The following BTD variants were observed in gnomAD, a reference collection of about 807,000 sequenced individuals.
The protein encoded by BTD is biotinidase, also known as biocytinase.
Under a neutral mutation model 17.7 loss-of-function variants are expected in BTD, and 13 were observed. The observed-to-expected ratio is 0.74, with a 90% CI of 0.48 to 1.17. The LOEUF (loss-of-function observed/expected upper bound fraction) is 1.17, where lower values mean the gene tolerates loss of function less well. BTD is among the 50% of genes most tolerant of loss of function. The pLI is 0.00. For missense variants in BTD, 674 were observed against 650.4 expected (o/e 1.04, Z -0.39); for synonymous variants, 240 against 245.2 (o/e 0.98, Z 0.20).
downstream of BTD, among the ~76,000 whole-genome samples, chr3:15,716,383 T>C (rs1012432498): frequency 2.7e-5 from 4 of 150,914 alleles, no homozygotes; most frequent in Non-Finnish European, 4.4e-5. Context: ...CCTTGAACTC[T>C]AGGGTTCAAG....
intron 3 of BTD, among the ~76,000 whole-genome samples, chr3:15,705,581 CT>C (rs1178151158): frequency 1.3e-5 from 2 of 152,174 alleles, no homozygotes; most frequent in African/African-American, 4.8e-5. Flanking sequence ...GGATAAGCTA[CT>C]TATCCAAGTT....
rs1329252927 is a variant in BTD, at chr3:15,650,909, A to G, written c.*5421A>G. On this transcript the variant is annotated 3_prime_UTR_variant, in exon 4 of 4. Transcript: ENST00000643237. ...CTCAGCCTTCCGAGTAGCTGGGACTACAGGCACGTGCCACCACGCCCAGCT... is the reference window on the plus strand; with the variant it reads ...CTCAGCCTTCCGAGTAGCTGGGACTGCAGGCACGTGCCACCACGCCCAGCT... Among the ~76,000 whole-genome samples the G allele has an allele frequency of 6.6e-6, 1 of 152,072 alleles. No individual in the cohort carries two copies. Among genetic ancestry groups the G allele is most frequent in the Non-Finnish European group, 1.5e-5 (1 of 67,990 alleles).
At chr3:15,674,183 A>G (rs1383707736) in intron 3 of BTD, among the ~76,000 whole-genome samples, 1 of 147,976 alleles carries the variant, frequency 6.8e-6, no homozygotes, top group African/African-American at 2.5e-5. Context: ...TCAAAAAAAA[A>G]AAAAAAAAAA....
downstream of BTD, among the ~76,000 whole-genome samples, chr3:15,654,014 G>A (rs182848245): frequency 3.9e-5 from 6 of 152,286 alleles, no homozygotes; most frequent in Middle Eastern, 6.8e-3. Context: ...GAGCCACTGC[G>A]CCCGGCCAAG....
chr3:15,686,325 TA>T, intron 3 of BTD: 1 of 1,528,684 alleles, frequency 6.5e-7, no homozygotes, highest in Non-Finnish European at 8.9e-7. Flanking sequence ...AAGTGAAATT[TA>T]AACATTTCAG....
At chr3:15,621,975 T>G (rs1157051521) in intron 1 of BTD, among the ~76,000 whole-genome samples, 1 of 152,228 alleles carries the variant, frequency 6.6e-6, no homozygotes, top group East Asian at 1.9e-4. Context: ...TTTATTATTC[T>G]TTCGGTGTCC....
chr3:15,685,530 C>A, intron 3 of BTD: 1 of 1,131,920 alleles, frequency 8.8e-7, no homozygotes, highest in South Asian at 1.3e-5. Context: ...CTTTAAAGAC[C>A]ATACTCTCCA....
intron 3 of BTD, among the ~76,000 whole-genome samples, chr3:15,643,046 A>AAAT (rs766395619): frequency 1.5e-5 from 1 of 66,200 alleles, no homozygotes; most frequent in African/African-American, 9.9e-5. Context: ...AAAAAAAAAT[A>AAAT]AAATAAAATA....
At chr3:15,716,471 A>G (rs1439822081), downstream of BTD, among the ~76,000 whole-genome samples, 2 of 151,020 alleles carry the variant, frequency 1.3e-5, no homozygotes, top group East Asian at 4.0e-4. Context: ...TATTTTTTGT[A>G]GAGATGGTCT....
chr3:15,656,758 G>T (rs2065875325), downstream of BTD, among the ~76,000 whole-genome samples: 1 of 152,152 alleles, frequency 6.6e-6, no homozygotes, highest in Admixed American at 6.5e-5. Flanking sequence ...AATATGTTTA[G>T]ATTTTCTTAA....
At chr3:15,643,969 A>AATTAATTAATTAATTT (rs1403294175) in intron 3 of BTD, among the ~76,000 whole-genome samples, 3 of 138,014 alleles carry the variant, frequency 2.2e-5, no homozygotes, top group African/African-American at 7.9e-5. Flanking sequence ...TCATTTATTT[A>AATTAATTAATTAATTT]ATTTATTTAT....
At position 15,609,892 on chromosome 3, in the gene BTD, T is replaced by A. The variant is rs1035099959; in HGVS notation, c.-17+7998T>A. Among the ~76,000 whole-genome samples the A allele has an allele frequency of 1.2e-4, 18 of 152,100 alleles. No individual in the cohort carries two copies. The South Asian group carries it at 1.2e-3, about 11-fold the overall frequency. On this transcript the variant is annotated intron_variant, in intron 1 of 3. Coordinates refer to ENST00000643237, the MANE Select transcript of BTD (RefSeq NM_001370658.1). ...CAACTGGTCTTCCTTATTTTTTTTT[T>A]AATTTTTTTATTTTTTTGGTAACTT...
intron 3 of BTD, among the ~76,000 whole-genome samples, chr3:15,700,062 A>T (rs1386579086): frequency 6.6e-6 from 1 of 152,256 alleles, no homozygotes; most frequent in Admixed American, 6.5e-5. Context: ...ACCATAAAAA[A>T]GGATGAGTTC....
intron 3 of BTD, chr3:15,668,676 A>G (rs2066105847): frequency 6.6e-6 from 1 of 152,604 alleles, no homozygotes; most frequent in African/African-American, 2.4e-5. Context: ...AAAGAGTGCA[A>G]GTAAATACAG....
chr3:15,693,688 G>C (rs2069129902), intron 3 of BTD, among the ~76,000 whole-genome samples: 1 of 152,090 alleles, frequency 6.6e-6, no homozygotes, highest in South Asian at 2.1e-4. Context: ...TTCCATGCTG[G>C]CTTTGCCTTT....
intron 1 of BTD, among the ~76,000 whole-genome samples, chr3:15,624,581 C>A (rs1037686281): frequency 6.6e-6 from 1 of 150,992 alleles, no homozygotes; most frequent in African/African-American, 2.4e-5. Context: ...TTAGAATTTC[C>A]ATCTCCCTGC....
intron 3 of BTD, chr3:15,696,244 A>C: frequency 3.2e-6 from 5 of 1,547,546 alleles, no homozygotes; most frequent in Non-Finnish European, 4.4e-6. Flanking sequence ...TATTCCAGGC[A>C]CCTATATACA....
At chr3:15,636,600 T>C (rs116105729) in intron 2 of BTD, among the ~76,000 whole-genome samples, 1 of 152,274 alleles carries the variant, frequency 6.6e-6, no homozygotes, top group African/African-American at 2.4e-5. Flanking sequence ...GTAAACTCAT[T>C]GTGAGCAACA....
At chr3:15,632,421 C>G (rs2065236517) in intron 1 of BTD, among the ~76,000 whole-genome samples, 1 of 152,186 alleles carries the variant, frequency 6.6e-6, no homozygotes, top group South Asian at 2.1e-4. Context: ...GTTCAGTACA[C>G]CCCACGAGCC....
Sources: allele counts gnomAD v4.1 joint callset (sites outside exome capture counted in the v4.1 genomes callset), GRCh38; gene constraint gnomAD v4.1.1; transcripts MANE v1.5; gene names NCBI Gene and HGNC (gene_info 2026-07-23, HGNC 2026-07-21).